Variants in ZNF804A observed in about 807,000 individuals in gnomAD.
ZNF804A encodes zinc finger protein 804A.
In ZNF804A, 2 loss-of-function variants were observed where a neutral mutation model predicts 16.5. The observed-to-expected ratio is 0.12, with a 90% CI of 0.05 to 0.38. The LOEUF (loss-of-function observed/expected upper bound fraction) is 0.38. Ranked by LOEUF, ZNF804A falls within the 10% of genes least tolerant of loss-of-function variation. The probability of loss-of-function intolerance (pLI) is 0.99; values close to 1 mark genes in which losing one functional copy is unlikely to be tolerated. For synonymous variants in ZNF804A, 534 were observed against 489.6 expected, an observed-to-expected ratio of 1.09 and a Z score of -1.20; for missense variants, 1,473 against 1,390.7, an observed-to-expected ratio of 1.06 and a Z score of -0.94.
rs544957415 is a variant in ZNF804A at position 184,692,341 on chromosome 2, C to T, written c.111+93271C>T. Among the ~76,000 whole-genome samples, 4 of 152,280 alleles carry T rather than the reference C, an allele frequency of 2.6e-5. No individual in the cohort carries two copies. The East Asian group carries it at 7.7e-4, about 29-fold the overall frequency. On this transcript the variant is annotated intron_variant, in intron 1 of 3. Transcript: ENST00000302277. ...CTAGCGCCATGTGTTGAATTCATTA[C>T]AGTCTTTCATAAGATCCCAGGAGAC...
chr2:184,851,831 A>G (rs139345887), intron 1 of ZNF804A, among the ~76,000 whole-genome samples: 122 of 151,852 alleles, frequency 8.0e-4, no homozygotes, highest in African/African-American at 2.5e-3. Context: ...ATTTCTCTAC[A>G]TACTTGTCAA....
intron 2 of ZNF804A, among the ~76,000 whole-genome samples, chr2:184,889,991 T>C: frequency 6.6e-6 from 1 of 152,102 alleles, no homozygotes; most frequent in East Asian, 1.9e-4. Flanking sequence ...ATTTACTTAG[T>C]CCAGGATAAC....
intron 1 of ZNF804A, among the ~76,000 whole-genome samples, chr2:184,715,438 G>A (rs746297278): frequency 2.0e-5 from 3 of 152,096 alleles, no homozygotes; most frequent in Non-Finnish European, 4.4e-5. Context: ...AAGCTGGAGG[G>A]CAGCAGGATG....
At chr2:184,676,414 G>C (rs989209836) in intron 1 of ZNF804A, among the ~76,000 whole-genome samples, 1 of 150,882 alleles carries the variant, frequency 6.6e-6, no homozygotes, top group Non-Finnish European at 1.5e-5. Context: ...TCTGGATTTT[G>C]TATATTTGTA....
intron 1 of ZNF804A, among the ~76,000 whole-genome samples, chr2:184,832,936 C>T (rs552281494): frequency 2.0e-5 from 3 of 152,016 alleles, no homozygotes; most frequent in South Asian, 4.1e-4. Context: ...TAGATTTTCT[C>T]GTAATTTATG....
intron 2 of ZNF804A, among the ~76,000 whole-genome samples, chr2:184,874,719 T>C (rs1006172879): frequency 1.2e-4 from 19 of 152,152 alleles, no homozygotes; most frequent in Non-Finnish European, 1.3e-4. Flanking sequence ...CCATGTCTCT[T>C]TCTCTTTTAT....
intron 2 of ZNF804A, among the ~76,000 whole-genome samples, chr2:184,927,849 C>G (rs943751696): frequency 6.6e-6 from 1 of 152,128 alleles, no homozygotes; most frequent in Non-Finnish European, 1.5e-5. Context: ...TGAATACTGC[C>G]TGGCCTGGGG....
intron 1 of ZNF804A, among the ~76,000 whole-genome samples, chr2:184,857,722 C>A (rs1326042416): frequency 6.6e-6 from 1 of 152,036 alleles, no homozygotes; most frequent in East Asian, 1.9e-4. Context: ...TATATAATGA[C>A]CTTTTAATCT....
intron 1 of ZNF804A, among the ~76,000 whole-genome samples, chr2:184,614,314 C>A (rs1691285831): frequency 6.6e-6 from 1 of 152,114 alleles, no homozygotes; most frequent in South Asian, 2.1e-4. Flanking sequence ...AACATAAGAC[C>A]TAAAACCATA....
At chr2:184,744,723 A>T (rs1024312724) in intron 1 of ZNF804A, among the ~76,000 whole-genome samples, 2 of 151,962 alleles carry the variant, frequency 1.3e-5, no homozygotes, top group East Asian at 1.9e-4. Context: ...AAAAGTATTA[A>T]CAACTCAAGT....
chr2:184,897,348 T>G (rs1184021264), intron 2 of ZNF804A, among the ~76,000 whole-genome samples: 1 of 151,928 alleles, frequency 6.6e-6, no homozygotes, highest in Non-Finnish European at 1.5e-5. Context: ...AGCAATTTTT[T>G]CCCCTTTCCA....
intron 1 of ZNF804A, among the ~76,000 whole-genome samples, chr2:184,864,875 A>ATTTT (rs34114485): frequency 0.017 from 1,788 of 105,402 alleles, 72 homozygotes; most frequent in Middle Eastern, 0.028. Flanking sequence ...TATAGTTAGG[A>ATTTT]TTTTTTTTTT....
At chr2:184,599,368 G>A (rs913285520) in intron 1 of ZNF804A, among the ~76,000 whole-genome samples, 1 of 152,090 alleles carries the variant, frequency 6.6e-6, no homozygotes, top group African/African-American at 2.4e-5. Context: ...TGTTTAAAGA[G>A]AAAAGAAAAG....
At chr2:184,705,793 G>T (rs917770026) in intron 1 of ZNF804A, among the ~76,000 whole-genome samples, 1 of 152,046 alleles carries the variant, frequency 6.6e-6, no homozygotes, top group South Asian at 2.1e-4. Flanking sequence ...TCATGTGCTG[G>T]GGTGGTAGAA....
In ZNF804A at chr2:184,766,780, T is replaced by A. The variant is rs1694135977; in HGVS notation, c.112-99589T>A. ...TTGTACATTCATGTTTATAGCAACA[T>A]CATTCACAATAGCCAAAATGTAGAA... On this transcript the variant is annotated intron_variant, in intron 1 of 3. Transcript: ENST00000302277. Among the ~76,000 whole-genome samples, 6 of 152,254 alleles carry A rather than the reference T, an allele frequency of 3.9e-5. No homozygotes were observed. The South Asian group carries it at 1.2e-3, about 32-fold the overall frequency.
intron 1 of ZNF804A, among the ~76,000 whole-genome samples, chr2:184,844,970 G>C (rs920205460): frequency 1.3e-5 from 2 of 151,332 alleles, no homozygotes; most frequent in Non-Finnish European, 2.9e-5. Flanking sequence ...ATTTCAGTTT[G>C]TTCAGATTCT....
intron 1 of ZNF804A, among the ~76,000 whole-genome samples, chr2:184,706,040 A>T (rs1279671598): frequency 6.6e-6 from 1 of 152,052 alleles, no homozygotes; most frequent in Non-Finnish European, 1.5e-5. Flanking sequence ...GGACACAAAC[A>T]CCTTCTTGTT....
chr2:184,873,460 C>T (rs1696005539), intron 2 of ZNF804A, among the ~76,000 whole-genome samples: 3 of 152,056 alleles, frequency 2.0e-5, no homozygotes, highest in African/African-American at 4.8e-5. Context: ...TGCATTCCAG[C>T]CTGGGTGACA....
intron 2 of ZNF804A, among the ~76,000 whole-genome samples, chr2:184,884,296 T>A (rs1684853998): frequency 6.6e-6 from 1 of 151,732 alleles, no homozygotes; most frequent in Non-Finnish European, 1.5e-5. Context: ...CTCAAAGAAG[T>A]CAAAGATGAC....
Sources: allele counts gnomAD v4.1 joint callset (sites outside exome capture counted in the v4.1 genomes callset), GRCh38; gene constraint gnomAD v4.1.1; transcripts MANE v1.5; gene names NCBI Gene and HGNC (gene_info 2026-07-23, HGNC 2026-07-21).